The following PTBP2 variants were observed in gnomAD, a reference collection of about 807,000 sequenced individuals.
PTBP2 encodes the protein polypyrimidine tract-binding protein 2.
In PTBP2, 13 loss-of-function variants were observed where a neutral mutation model predicts 61.4. The ratio of observed to expected loss-of-function variants is 0.21; its 90% CI spans 0.14 to 0.34. The LOEUF (loss-of-function observed/expected upper bound fraction) is 0.34, where lower values mean the gene tolerates loss of function less well. PTBP2 is among the 10% of genes least tolerant of loss of function. The pLI is 1.00. For synonymous variants in PTBP2, 215 were observed against 218.5 expected (o/e 0.98, Z 0.14); for missense variants, 405 against 642.6 (o/e 0.63, Z 4.00).
intron 2 of PTBP2, among the ~76,000 whole-genome samples, chr1:96,724,737 A>G (rs554837046): frequency 2.6e-5 from 4 of 151,484 alleles, no homozygotes; most frequent in Non-Finnish European, 5.9e-5. Context: ...GGATAGCTTT[A>G]GGAGATATAC....
At chr1:96,760,867 T>C (rs984861924) in intron 3 of PTBP2, among the ~76,000 whole-genome samples, 4 of 152,246 alleles carry the variant, frequency 2.6e-5, no homozygotes, top group African/African-American at 7.2e-5. Context: ...TCAAAAACTT[T>C]ACTGATAATG....
chr1:96,813,480 G>A lies in PTBP2; in HGVS notation c.*75G>A. 1 of 1,314,876 alleles carries A rather than the reference G, an allele frequency of 7.6e-7. No homozygotes were observed. The highest frequency in any genetic ancestry group is 1.0e-6 in the Non-Finnish European group (1 of 997,018). The allele number at this position is 1,314,876 out of a possible 1,614,324, so 81.5% of individuals were successfully genotyped here. A position where few individuals can be genotyped will look rare whatever the true frequency, so the allele number is the denominator to read the frequency against. ...CCTATTTGACTGTTCAGAAAAGTGG[G>A]GACCAGAGTTTGATTTTTTTTGTTT... On this transcript the variant is annotated 3_prime_UTR_variant, in exon 14 of 14. Coordinates refer to ENST00000674951, the MANE Select transcript of PTBP2 (RefSeq NM_021190.4).
chr1:96,791,886 CA>C (rs1255323404), intron 8 of PTBP2, among the ~76,000 whole-genome samples: 1 of 131,068 alleles, frequency 7.6e-6, no homozygotes, highest in Non-Finnish European at 1.5e-5. Context: ...GGCTGGAGTG[CA>C]GTGGCATGCA....
chr1:96,769,678 AG>A, intron 3 of PTBP2, 24 bp from the exon 4 acceptor site: 5 of 1,482,736 alleles, frequency 3.4e-6, no homozygotes, highest in Non-Finnish European at 4.5e-6. Flanking sequence ...TTGATATATA[AG>A]GACTGTTTTT....
At chr1:96,747,596 T>G (rs1654009313) in intron 2 of PTBP2, among the ~76,000 whole-genome samples, 1 of 152,154 alleles carries the variant, frequency 6.6e-6, no homozygotes, top group Non-Finnish European at 1.5e-5. Flanking sequence ...ATTACAGGTA[T>G]ATATATCGTA....
intron 2 of PTBP2, among the ~76,000 whole-genome samples, chr1:96,746,870 TGTCC>T (rs1653876524): frequency 2.3e-5 from 1 of 44,128 alleles, no homozygotes; most frequent in East Asian, 8.5e-4. Context: ...TCCGTCCGTC[TGTCC>T]CTCCCTCCCT....
At chr1:96,739,969 T>A (rs906697523) in intron 2 of PTBP2, among the ~76,000 whole-genome samples, 5 of 152,014 alleles carry the variant, frequency 3.3e-5, no homozygotes, top group African/African-American at 1.2e-4. Context: ...AAGGAAGTGC[T>A]TAGTGGAGCA....
At chr1:96,782,324 T>C (rs1278299443) in intron 7 of PTBP2, among the ~76,000 whole-genome samples, 2 of 152,002 alleles carry the variant, frequency 1.3e-5, no homozygotes, top group African/African-American at 2.4e-5. Flanking sequence ...AAAATAAATA[T>C]GAGATAAAAC....
downstream of PTBP2, chr1:96,818,064 C>T (rs563281526): frequency 6.6e-6 from 1 of 152,088 alleles, no homozygotes; most frequent in African/African-American, 2.4e-5. Flanking sequence ...GTATTTTAGA[C>T]GCTGAATTAT....
chr1:96,777,801 A>G (rs1394332177), intron 6 of PTBP2, 35 bp from the exon 7 acceptor site: 29 of 1,527,462 alleles, frequency 1.9e-5, no homozygotes, highest in African/African-American at 5.6e-5. Context: ...ATAATATAGT[A>G]AATAAGTAAT....
rs1657226431 is a variant in PTBP2 at position 96,770,200 on chromosome 1, TCTTTC to T, written c.288+329_288+333del. The stretch of plus-strand genomic sequence containing the variant: ...GAAATCAGCAGGGGTACTAGTCGCA[TCTTTC>T]CTTAAGCTTTATGAGAATATGAAAT... On this transcript the variant is annotated intron_variant, in intron 4 of 13. Transcript: ENST00000674951. 2.0e-5 allele frequency among the ~76,000 whole-genome samples: 3 copies of T among 152,178 alleles called. No individual in the cohort carries two copies. In the South Asian group the frequency reaches 6.2e-4, roughly 32 times the overall value.
At chr1:96,783,284 A>G (rs137909245) in intron 7 of PTBP2, among the ~76,000 whole-genome samples, 102 of 152,044 alleles carry the variant, frequency 6.7e-4, no homozygotes, top group African/African-American at 2.3e-3. Context: ...TTGCCAACAG[A>G]TGATTAATTT....
Position 96,793,422 on chromosome 1 carries a change from T to C in PTBP2, c.904+8168T>C, listed in dbSNP as rs370534080. On this transcript the variant is annotated intron_variant, in intron 8 of 13. Transcript: ENST00000674951. ...ACTGGCTCTGTTGCCTGGGCTGGAG[T>C]GCAGTGGCGGGATCTCTGCTCACTG... is the stretch of plus-strand genomic sequence containing the variant. Among the ~76,000 whole-genome samples, 6 of 152,240 alleles carry C rather than the reference T, an allele frequency of 3.9e-5. No individual in the cohort carries two copies. The East Asian group carries it at 1.2e-3, about 29-fold the overall frequency.
chr1:96,768,731 C>T (rs1037080998), intron 3 of PTBP2, among the ~76,000 whole-genome samples: 3 of 151,842 alleles, frequency 2.0e-5, no homozygotes, highest in Non-Finnish European at 2.9e-5. Context: ...TTAAATCTCA[C>T]GGTAACAGAA....
At chr1:96,769,656 A>G in intron 3 of PTBP2, 47 bp from the exon 4 acceptor site, 1 of 1,287,298 alleles carries the variant, frequency 7.8e-7, no homozygotes, top group Non-Finnish European at 1.0e-6. Flanking sequence ...AAATTCATAC[A>G]TTCTTTTATT....
intron 1 of PTBP2, 77 bp downstream of exon 1, chr1:96,721,949 A>T: frequency 6.6e-7 from 1 of 1,518,028 alleles, no homozygotes; most frequent in Non-Finnish European, 8.9e-7. Context: ...CGGGCCGGGG[A>T]GAAACCCTCC....
chr1:96,762,400 CCCCCCCA>C (rs1656023801), intron 3 of PTBP2, among the ~76,000 whole-genome samples: 29 of 147,040 alleles, frequency 2.0e-4, no homozygotes, highest in African/African-American at 6.7e-4. Flanking sequence ...GGGGGGCTGA[CCCCCCCA>C]CCTCCCTCCC....
chr1:96,750,102 TCA>T (rs1268102518), intron 2 of PTBP2, among the ~76,000 whole-genome samples: 1 of 152,012 alleles, frequency 6.6e-6, no homozygotes, highest in African/African-American at 2.4e-5. Flanking sequence ...GATCCCACCC[TCA>T]GAGTTTCTTA....
chr1:96,734,892 C>T (rs192567681), intron 2 of PTBP2, among the ~76,000 whole-genome samples: 1 of 145,462 alleles, frequency 6.9e-6, no homozygotes, highest in Non-Finnish European at 1.5e-5. Flanking sequence ...ATAATTGTCT[C>T]CTTTTTTTTT....
Sources: allele counts gnomAD v4.1 joint callset (sites outside exome capture counted in the v4.1 genomes callset), GRCh38; gene constraint gnomAD v4.1.1; transcripts MANE v1.5; gene names NCBI Gene and HGNC (gene_info 2026-07-23, HGNC 2026-07-21).